Variants in ROBO2 observed in about 807,000 individuals in gnomAD.
ROBO2 encodes roundabout guidance receptor 2.
ROBO2 carries 53 observed loss-of-function variants against 160.8 expected under a neutral mutation model. The observed-to-expected ratio is 0.33, with a 90% CI of 0.26 to 0.41. The LOEUF (loss-of-function observed/expected upper bound fraction) is 0.41, where lower values mean the gene tolerates loss of function less well. Ranked by LOEUF, ROBO2 falls within the 10% of genes least tolerant of loss-of-function variation. ROBO2 has a pLI of 1.00. For synonymous variants in ROBO2, 664 were observed against 611.7 expected (o/e 1.09, Z -1.26); for missense variants, 1,577 against 1,722.4 (o/e 0.92, Z 1.49).
At chr3:76,238,781 A>C (rs368350086) in intron 2 of ROBO2, among the ~76,000 whole-genome samples, 5 of 150,042 alleles carry the variant, frequency 3.3e-5, no homozygotes, top group South Asian at 2.1e-4. Context: ...TCAACTCCCC[A>C]CAGGTCTCCC....
chr3:77,367,184 C>T (rs1216530254), intron 2 of ROBO2, among the ~76,000 whole-genome samples: 3 of 151,970 alleles, frequency 2.0e-5, no homozygotes, highest in Admixed American at 6.6e-5. Flanking sequence ...ACCAGGTTAC[C>T]GTATGATCAT....
chr3:76,846,192 T>C (rs2148503017), intron 2 of ROBO2, among the ~76,000 whole-genome samples: 1 of 152,256 alleles, frequency 6.6e-6, no homozygotes, highest in African/African-American at 2.4e-5. Context: ...TGTCATTCTG[T>C]CATAGATGAC....
At chr3:76,502,625 G>A (rs1297532407) in intron 2 of ROBO2, among the ~76,000 whole-genome samples, 1 of 151,944 alleles carries the variant, frequency 6.6e-6, no homozygotes, top group Admixed American at 6.6e-5. Flanking sequence ...GTATTTATGG[G>A]CTTCATGAGA....
At chr3:76,734,537 A>C (rs938192893) in intron 2 of ROBO2, among the ~76,000 whole-genome samples, 1 of 152,172 alleles carries the variant, frequency 6.6e-6, no homozygotes, top group African/African-American at 2.4e-5. Context: ...TGGAGAAACG[A>C]CTTTCAGCAA....
intron 2 of ROBO2, among the ~76,000 whole-genome samples, chr3:76,359,275 C>T (rs1448220643): frequency 4.0e-5 from 6 of 151,754 alleles, no homozygotes; most frequent in Non-Finnish European, 8.8e-5. Context: ...ATTGAATGAG[C>T]CCTTTTAGCT....
intron 1 of ROBO2, among the ~76,000 whole-genome samples, chr3:77,060,845 A>G (rs2066228382): frequency 6.6e-6 from 1 of 152,204 alleles, no homozygotes. Context: ...TATGTTTACT[A>G]CATATTTTAC....
At chr3:76,826,876 G>C (rs2066635435) in intron 2 of ROBO2, among the ~76,000 whole-genome samples, 1 of 152,140 alleles carries the variant, frequency 6.6e-6, no homozygotes, top group Non-Finnish European at 1.5e-5. Flanking sequence ...TAGAGAAACA[G>C]CTGTCCCTTG....
intron 2 of ROBO2, among the ~76,000 whole-genome samples, chr3:77,239,584 G>T (rs540203287): frequency 7.2e-4 from 109 of 152,292 alleles, no homozygotes; most frequent in African/African-American, 1.1e-3. Flanking sequence ...CTTGCTGACT[G>T]GCCCATTTTA....
chr3:77,446,126 A>G (rs968239296), intron 2 of ROBO2, among the ~76,000 whole-genome samples: 3 of 151,998 alleles, frequency 2.0e-5, no homozygotes, highest in Admixed American at 1.3e-4. Context: ...CAAAATTTGT[A>G]TTGATTTTTC....
chr3:76,050,168 G>C (rs1245727046), intron 2 of ROBO2, among the ~76,000 whole-genome samples: 4 of 152,180 alleles, frequency 2.6e-5, no homozygotes, highest in Non-Finnish European at 5.9e-5. Flanking sequence ...GGTGGGCACT[G>C]TCTAATCAGC....
intron 21 of ROBO2, among the ~76,000 whole-genome samples, chr3:77,616,429 G>A (rs2094777877): frequency 2.0e-5 from 3 of 151,970 alleles, no homozygotes; most frequent in Non-Finnish European, 4.4e-5. Flanking sequence ...AGCGTGATGT[G>A]AATGAAGATT....
chr3:76,697,330 C>T (rs2092948936), intron 2 of ROBO2, among the ~76,000 whole-genome samples: 1 of 152,062 alleles, frequency 6.6e-6, no homozygotes, highest in Admixed American at 6.6e-5. Flanking sequence ...GATGAATAAA[C>T]ATGTTTGAAA....
intron 2 of ROBO2, among the ~76,000 whole-genome samples, chr3:76,211,483 TTATA>T (rs1703142428): frequency 6.6e-6 from 1 of 152,040 alleles, no homozygotes; most frequent in African/African-American, 2.4e-5. Context: ...CTTTTAGAGA[TTATA>T]TATAGGAAAC....
intron 2 of ROBO2, among the ~76,000 whole-genome samples, chr3:77,128,145 G>A (rs545793699): frequency 1.3e-5 from 2 of 152,244 alleles, no homozygotes; most frequent in African/African-American, 4.8e-5. Context: ...GATTATGGGA[G>A]GACTTCTAGA....
intron 1 of ROBO2, among the ~76,000 whole-genome samples, chr3:77,073,790 C>T (rs2067658504): frequency 6.6e-6 from 1 of 152,076 alleles, no homozygotes; most frequent in Non-Finnish European, 1.5e-5. Context: ...ACAGCTTGAC[C>T]CTCACACTGA....
intron 2 of ROBO2, among the ~76,000 whole-genome samples, chr3:77,216,243 C>T (rs568694648): frequency 2.8e-4 from 42 of 152,198 alleles, no homozygotes; most frequent in Admixed American, 1.9e-3. Flanking sequence ...ACTTCCTGGC[C>T]GCTTTGTTTA....
chr3:77,096,107 G>A (rs1267187592), intron 1 of ROBO2, among the ~76,000 whole-genome samples: 1 of 152,004 alleles, frequency 6.6e-6, no homozygotes, highest in Non-Finnish European at 1.5e-5. Flanking sequence ...ATTAAAACAT[G>A]TATTTTCAAT....
intron 2 of ROBO2, among the ~76,000 whole-genome samples, chr3:76,898,417 A>G (rs956693328): frequency 2.6e-5 from 4 of 152,126 alleles, no homozygotes; most frequent in African/African-American, 7.2e-5. Flanking sequence ...GATGGCACAT[A>G]TAATTTATAA....
At chr3:77,479,290 G>C (rs909561663) in intron 3 of ROBO2, among the ~76,000 whole-genome samples, 6 of 152,170 alleles carry the variant, frequency 3.9e-5, no homozygotes, top group African/African-American at 1.4e-4. Flanking sequence ...AGTAGGCATG[G>C]TAATGACCTT....
Sources: gnomAD v4.1 joint callset for allele counts (sites outside exome capture counted in the v4.1 genomes callset) on GRCh38, gnomAD v4.1.1 for gene constraint, MANE v1.5 for transcripts, NCBI Gene and HGNC (gene_info 2026-07-23, HGNC 2026-07-21) for gene names.